Variants in BBS9 observed in about 807,000 individuals in gnomAD.
BBS9 encodes protein PTHB1.
In BBS9, 89 loss-of-function variants were observed where a neutral mutation model predicts 117.7. The ratio of observed to expected loss-of-function variants is 0.76; its 90% CI spans 0.64 to 0.90. The LOEUF (loss-of-function observed/expected upper bound fraction) is 0.90, where lower values mean the gene tolerates loss of function less well. BBS9 is among the 40% of genes least tolerant of loss of function. The pLI, the probability that BBS9 is intolerant of heterozygous loss-of-function variation, is 0.00. For missense variants in BBS9, 982 were observed against 1,042.2 expected, an observed-to-expected ratio of 0.94 and a Z score of 0.80; for synonymous variants, 379 against 370.9, an observed-to-expected ratio of 1.02 and a Z score of -0.25.
intron 19 of BBS9, among the ~76,000 whole-genome samples, chr7:33,468,814 A>T (rs893987612): frequency 6.6e-6 from 1 of 152,134 alleles, no homozygotes; most frequent in African/African-American, 2.4e-5. Flanking sequence ...AGCCTCAGCT[A>T]TGCTGCTGCA....
chr7:33,328,531 G>A (rs1295235110), intron 9 of BBS9, among the ~76,000 whole-genome samples: 1 of 152,138 alleles, frequency 6.6e-6, no homozygotes, highest in East Asian at 1.9e-4. Context: ...GCACTTGAAG[G>A]GAAATGCCTT....
intron 7 of BBS9, among the ~76,000 whole-genome samples, chr7:33,266,506 ATC>A (rs1343986854): frequency 2.6e-5 from 4 of 152,178 alleles, no homozygotes; most frequent in African/African-American, 9.6e-5. Context: ...AATATGATCT[ATC>A]TTGGTAAACG....
At chr7:33,457,765 A>G (rs528324900) in intron 19 of BBS9, among the ~76,000 whole-genome samples, 5 of 152,316 alleles carry the variant, frequency 3.3e-5, no homozygotes, top group East Asian at 1.9e-4. Context: ...TGTGTCTGAA[A>G]AGAGTGTTAA....
At chr7:33,495,386 G>T (rs1457327676) in intron 19 of BBS9, among the ~76,000 whole-genome samples, 1 of 152,128 alleles carries the variant, frequency 6.6e-6, no homozygotes. Context: ...AGTGTGGGTG[G>T]TTGCATAATT....
At chr7:33,609,082 T>G (rs1484382713), downstream of BBS9, among the ~76,000 whole-genome samples, 1 of 152,064 alleles carries the variant, frequency 6.6e-6, no homozygotes, top group Non-Finnish European at 1.5e-5. Flanking sequence ...CTATGACTAG[T>G]TACATATTCT....
At chr7:33,424,982 T>C (rs1452024461) in intron 19 of BBS9, among the ~76,000 whole-genome samples, 3 of 152,192 alleles carry the variant, frequency 2.0e-5, no homozygotes, top group African/African-American at 4.8e-5. Context: ...TTTATTGACC[T>C]CTTCTTCCCC....
At chr7:33,581,457 T>A (rs562473932) in intron 21 of BBS9, among the ~76,000 whole-genome samples, 46 of 152,248 alleles carry the variant, frequency 3.0e-4, no homozygotes, top group Middle Eastern at 6.8e-3. Context: ...TCTAGCTGTA[T>A]CTCTGCTTGA....
intron 19 of BBS9, among the ~76,000 whole-genome samples, chr7:33,476,445 T>C (rs2128964458): frequency 6.6e-6 from 1 of 152,340 alleles, no homozygotes; most frequent in East Asian, 1.9e-4. Context: ...GTAGGAATTT[T>C]GAAGTCGGTG....
chr7:33,376,729 A>G (rs1001971329), intron 17 of BBS9, among the ~76,000 whole-genome samples: 1 of 152,116 alleles, frequency 6.6e-6, no homozygotes, highest in Non-Finnish European at 1.5e-5. Context: ...TATTTTTAAT[A>G]TTAACATTTC....
In BBS9 at chr7:33,552,667, A is replaced by G. The variant is rs146096697; in HGVS notation, c.2521+18491A>G. 2.0e-5 allele frequency among the ~76,000 whole-genome samples: 3 copies of G among 152,286 alleles called. No homozygotes were observed. The East Asian group carries it at 5.8e-4, about 29-fold the overall frequency. ...TAATTGATTTCGTATCTCATTCCCA[A>G]CAGAAGTTAATGCCTGTCATTTTGC... On this transcript the variant is annotated intron_variant, in intron 21 of 22. Coordinates refer to ENST00000242067, the MANE Select transcript of BBS9 (RefSeq NM_198428.3).
At chr7:33,188,216 T>A (rs1481254907) in intron 5 of BBS9, among the ~76,000 whole-genome samples, 2 of 151,926 alleles carry the variant, frequency 1.3e-5, no homozygotes, top group Non-Finnish European at 2.9e-5. Flanking sequence ...TTCATTTTTA[T>A]CCTCTTTAAT....
chr7:33,506,842 C>T (rs917563866), intron 20 of BBS9, among the ~76,000 whole-genome samples: 6 of 152,096 alleles, frequency 3.9e-5, no homozygotes, highest in South Asian at 4.2e-4. Flanking sequence ...GACAAAATTG[C>T]GACTAAAATT....
downstream of BBS9, among the ~76,000 whole-genome samples, chr7:33,609,640 C>G (rs1330670795): frequency 6.6e-6 from 1 of 152,136 alleles, no homozygotes; most frequent in East Asian, 1.9e-4. Flanking sequence ...TCTGCTTTTA[C>G]ATGTCTGATG....
intron 21 of BBS9, among the ~76,000 whole-genome samples, chr7:33,591,951 G>GTAGAC (rs1413422404): frequency 6.6e-6 from 1 of 151,976 alleles, no homozygotes; most frequent in Non-Finnish European, 1.5e-5. Flanking sequence ...ATCTATGATA[G>GTAGAC]TAGACTATCC....
At chr7:33,223,014 A>G (rs1453535831) in intron 5 of BBS9, among the ~76,000 whole-genome samples, 5 of 151,726 alleles carry the variant, frequency 3.3e-5, no homozygotes, top group Non-Finnish European at 7.4e-5. Flanking sequence ...GAAGAATAAC[A>G]GGGTTTATAT....
At position 33,388,101 on chromosome 7, in the gene BBS9, C is replaced by T. The variant is rs759571062; in HGVS notation, c.2072C>T (p.Pro691Leu). The T allele has an allele frequency of 1.7e-5, 27 of 1,614,000 alleles. No individual in the cohort carries two copies. Among genetic ancestry groups the T allele is most frequent in the East Asian group, 2.2e-5 (1 of 44,882 alleles). Residue 691 changes from proline (P) to leucine (L), a missense_variant, in exon 19 of 23, where the codon CCT becomes CTT. Coordinates refer to ENST00000242067, the MANE Select transcript of BBS9 (RefSeq NM_198428.3). ...AGATTCAAAGATAAAACTCCTGCCC[C>T]TCTTCAACACCTGGACACCTTGTTA... ...LARFKDKTPA[P>L]LQHLDTLLDG...
intron 9 of BBS9, among the ~76,000 whole-genome samples, chr7:33,334,324 A>G (rs1176456795): frequency 1.3e-5 from 2 of 152,194 alleles, no homozygotes; most frequent in African/African-American, 4.8e-5. Context: ...GGACTGTTCA[A>G]AGGATGAAGA....
Position 33,438,205 on chromosome 7 carries a change from T to A in BBS9, c.2115+50061T>A, listed in dbSNP as rs931445094. On this transcript the variant is annotated intron_variant, in intron 19 of 22. Coordinates refer to ENST00000242067, the MANE Select transcript of BBS9 (RefSeq NM_198428.3). ...AAAAATAAATCTCAAGTAAATTAAA[T>A]GCCTAAATGGGAAACATATACCTTT... 2.0e-5 allele frequency among the ~76,000 whole-genome samples: 3 copies of A among 152,120 alleles called. No homozygotes were observed. In the East Asian group the frequency reaches 5.8e-4, roughly 29 times the overall value.
chr7:33,547,682 AAAGGACAAG>A (rs1853636413), intron 21 of BBS9, among the ~76,000 whole-genome samples: 1 of 152,228 alleles, frequency 6.6e-6, no homozygotes, highest in Admixed American at 6.5e-5. Flanking sequence ...GCCATTGTGG[AAAGGACAAG>A]GCCAGCCATT....
Sources: allele counts gnomAD v4.1 joint callset (sites outside exome capture counted in the v4.1 genomes callset), GRCh38; gene constraint gnomAD v4.1.1; transcripts MANE v1.5; gene names NCBI Gene and HGNC (gene_info 2026-07-23, HGNC 2026-07-21).